The following TRIM44 variants were observed in gnomAD, a reference collection of about 807,000 sequenced individuals.
TRIM44 encodes the protein tripartite motif containing 44, also known as tripartite motif-containing protein 44.
In TRIM44, 13 loss-of-function variants were observed where a neutral mutation model predicts 37.4. That is an observed-to-expected ratio of 0.35 (90% CI 0.23 to 0.55). The LOEUF (loss-of-function observed/expected upper bound fraction) is 0.55, where lower values mean the gene tolerates loss of function less well. Ranked by LOEUF, TRIM44 falls within the 20% of genes least tolerant of loss-of-function variation. The probability of loss-of-function intolerance (pLI) is 0.89; values close to 1 mark genes in which losing one functional copy is unlikely to be tolerated. For synonymous variants in TRIM44, 175 were observed against 157.2 expected, an observed-to-expected ratio of 1.11 and a Z score of -0.85; for missense variants, 426 against 437.2, an observed-to-expected ratio of 0.97 and a Z score of 0.23.
intron 2 of TRIM44, among the ~76,000 whole-genome samples, chr11:35,688,056 T>C (rs1478012382): frequency 6.6e-6 from 1 of 152,212 alleles, no homozygotes; most frequent in African/African-American, 2.4e-5. Context: ...TAGAAATAAA[T>C]TGGCATCTTC....
At chr11:35,733,006 TATTA>T (rs1249595100) in intron 3 of TRIM44, among the ~76,000 whole-genome samples, 1 of 152,226 alleles carries the variant, frequency 6.6e-6, no homozygotes. Context: ...CTAGAAATGT[TATTA>T]ATTAACAATT....
intron 1 of TRIM44, among the ~76,000 whole-genome samples, chr11:35,676,021 CCAAA>C (rs777606222): frequency 6.6e-6 from 1 of 152,154 alleles, no homozygotes; most frequent in Non-Finnish European, 1.5e-5. Context: ...TATTGAAGGA[CCAAA>C]CAGTCTTTGA....
At chr11:35,762,003 C>G (rs1244711356) in intron 4 of TRIM44, among the ~76,000 whole-genome samples, 1 of 152,126 alleles carries the variant, frequency 6.6e-6, no homozygotes, top group South Asian at 2.1e-4. Flanking sequence ...TTTTCCCTTT[C>G]CTTGGGAGGT....
rs114058690 is a variant in TRIM44 at position 35,771,035 on chromosome 11, G to A, written c.1008-35323G>A. ...TAGAGTAAATTGGTACCAATAGAGC[G>A]GGGCGTTGCTGAAAAGATACCTGAA... On this transcript the variant is annotated intron_variant, in intron 4 of 4. Coordinates refer to ENST00000299413, the MANE Select transcript of TRIM44 (RefSeq NM_017583.6). Among the ~76,000 whole-genome samples, 1,340 of 152,188 alleles carry A rather than the reference G, an allele frequency of 8.8e-3. 17 individuals carry two copies. The highest frequency in any genetic ancestry group is 0.03 in the African/African-American group (1,247 of 41,494).
At chr11:35,750,208 G>A (rs2135529280) in intron 4 of TRIM44, among the ~76,000 whole-genome samples, 1 of 152,250 alleles carries the variant, frequency 6.6e-6, no homozygotes, top group Middle Eastern at 3.4e-3. Context: ...TGGAGCTATA[G>A]TAGAAACCAG....
intron 2 of TRIM44, among the ~76,000 whole-genome samples, chr11:35,694,608 T>C (rs1851675044): frequency 6.6e-6 from 1 of 152,038 alleles, no homozygotes; most frequent in African/African-American, 2.4e-5. Context: ...AAGAGTCTTA[T>C]GATAGTAGAA....
rs564532632 is a variant in TRIM44, at chr11:35,719,154, T to A, written c.748-6770T>A. Among the ~76,000 whole-genome samples, 7 of 152,286 alleles carry A rather than the reference T, an allele frequency of 4.6e-5. No homozygotes were observed. In the South Asian group the frequency reaches 1.5e-3, roughly 32 times the overall value. Reference sequence around the variant, plus strand: ...AGAGTATATTTAGTTTTGTAAGAACTGCCAAACTGTCTTCCAAGTGGCCTT... The same window carrying A: ...AGAGTATATTTAGTTTTGTAAGAACAGCCAAACTGTCTTCCAAGTGGCCTT... On this transcript the variant is annotated intron_variant, in intron 2 of 4. Transcript: ENST00000299413.
Position 35,811,643 on chromosome 11 carries a change from T to C in TRIM44, c.*5258T>C, listed in dbSNP as rs949553163. On this transcript the variant is annotated 3_prime_UTR_variant, in exon 5 of 5. Coordinates refer to ENST00000299413, the MANE Select transcript of TRIM44 (RefSeq NM_017583.6). ...GCCTTCAGGAGCCAAATGTGAAGAC[T>C]CAAGATGGTAGATACTGTGTGAATT... The C allele has an allele frequency of 6.6e-6, 1 of 152,146 alleles. No homozygotes were observed. Among genetic ancestry groups the C allele is most frequent in the Non-Finnish European group, 1.5e-5 (1 of 68,026 alleles). The allele number at this position is 152,146 out of a possible 1,614,324, so 9.4% of individuals were successfully genotyped here. A position where few individuals can be genotyped will look rare whatever the true frequency, so the allele number is the denominator to read the frequency against.
At chr11:35,687,602 A>G (rs1014891576) in intron 2 of TRIM44, among the ~76,000 whole-genome samples, 3 of 152,222 alleles carry the variant, frequency 2.0e-5, no homozygotes, top group Admixed American at 6.5e-5. Context: ...GATGTGTACA[A>G]ATCACACTGA....
intron 3 of TRIM44, among the ~76,000 whole-genome samples, chr11:35,730,918 C>T (rs1329946482): frequency 2.8e-5 from 4 of 144,516 alleles, no homozygotes; most frequent in Admixed American, 7.1e-5. Flanking sequence ...GGCGTGATCT[C>T]GGCTCACTGC....
rs373639241 is a variant in TRIM44, at chr11:35,691,482, A to G, written c.747+6146A>G. ...ATTATAAGTTGAAAATATTATGTCA[A>G]AAATGCATTTAGTACATCCAACCTA... On this transcript the variant is annotated intron_variant, in intron 2 of 4. Transcript: ENST00000299413. Among the ~76,000 whole-genome samples, 11 of 152,330 alleles carry G rather than the reference A, an allele frequency of 7.2e-5. No homozygotes were observed. The East Asian group carries it at 1.5e-3, about 21-fold the overall frequency.
chr11:35,723,839 G>A (rs895378974), intron 2 of TRIM44, among the ~76,000 whole-genome samples: 2 of 152,168 alleles, frequency 1.3e-5, no homozygotes, highest in African/African-American at 4.8e-5. Context: ...AAAAGGTTTG[G>A]TCTCTGAGAG....
At chr11:35,725,520 G>A (rs1241210686) in intron 2 of TRIM44, among the ~76,000 whole-genome samples, 1 of 152,022 alleles carries the variant, frequency 6.6e-6, no homozygotes, top group Non-Finnish European at 1.5e-5. Flanking sequence ...ATTTTTAGTA[G>A]AGACAGGGTT....
chr11:35,686,378 T>TG (rs1564950388), intron 2 of TRIM44, among the ~76,000 whole-genome samples: 1 of 151,484 alleles, frequency 6.6e-6, no homozygotes, highest in Admixed American at 6.6e-5. Flanking sequence ...GTTTTTGTTT[T>TG]TTTTTTTTTT....
In TRIM44 at chr11:35,662,810, C is replaced by G. The variant is rs879225857; in HGVS notation, c.-302C>G. 1 of 259,764 alleles carries G rather than the reference C, an allele frequency of 3.8e-6. No individual in the cohort carries two copies. The highest frequency in any genetic ancestry group is 5.6e-5 in the Admixed American group (1 of 17,988). The allele number at this position is 259,764 out of a possible 1,614,324, so 16.1% of individuals were successfully genotyped here. ...GCGATCTCTCCCTGGTAGCGGGAGG[C>G]TGAGCGGGCGGCGCGACGCGGGGGC... On this transcript the variant is annotated 5_prime_UTR_variant, in exon 1 of 5. Coordinates refer to ENST00000299413, the MANE Select transcript of TRIM44 (RefSeq NM_017583.6).
chr11:35,735,853 A>G (rs1174897313), intron 4 of TRIM44, among the ~76,000 whole-genome samples: 1 of 151,974 alleles, frequency 6.6e-6, no homozygotes, highest in Non-Finnish European at 1.5e-5. Flanking sequence ...TTTTTGACCT[A>G]TAATATCTTT....
At chr11:35,671,154 G>T (rs781524056) in intron 1 of TRIM44, among the ~76,000 whole-genome samples, 2 of 152,280 alleles carry the variant, frequency 1.3e-5, no homozygotes, top group Non-Finnish European at 2.9e-5. Context: ...ATGAAAGTCT[G>T]TACTTCTGTC....
intron 1 of TRIM44, among the ~76,000 whole-genome samples, chr11:35,682,859 G>A (rs377669413): frequency 3.3e-5 from 5 of 152,132 alleles, no homozygotes; most frequent in East Asian, 1.9e-4. Context: ...CTTCGTTGTC[G>A]TTTTATTCTT....
chr11:35,790,607 A>T (rs986052364), intron 4 of TRIM44, among the ~76,000 whole-genome samples: 9 of 152,162 alleles, frequency 5.9e-5, no homozygotes, highest in African/African-American at 1.4e-4. Context: ...GCTGTCTCTC[A>T]TCTGACAGCA....
Sources: gnomAD v4.1 joint callset for allele counts (sites outside exome capture counted in the v4.1 genomes callset) on GRCh38, gnomAD v4.1.1 for gene constraint, MANE v1.5 for transcripts, NCBI Gene and HGNC (gene_info 2026-07-23, HGNC 2026-07-21) for gene names.